Variants in POU2AF2 observed in about 807,000 individuals in gnomAD.
The protein encoded by POU2AF2 is POU domain class 2-associating factor 2.
At chr11:111,260,688 A>G in the POU2AF2 span, among the ~76,000 whole-genome samples, 5 of 152,352 alleles carry the variant, frequency 3.3e-5, no homozygotes, top group African/African-American at 1.2e-4. Flanking sequence ...TCTGGAGGGC[A>G]CACAGCCCTG....
At chr11:111,260,587 G>C in the POU2AF2 span, among the ~76,000 whole-genome samples, 1 of 152,150 alleles carries the variant, frequency 6.6e-6, no homozygotes, top group South Asian at 2.1e-4. Flanking sequence ...GACCACTTAA[G>C]CAGAGATTGG....
chr11:111,248,297 C>T, the POU2AF2 span, among the ~76,000 whole-genome samples: 1 of 152,130 alleles, frequency 6.6e-6, no homozygotes, highest in Non-Finnish European at 1.5e-5. Context: ...GTCTGATTCT[C>T]AGTAATGTGG....
chr11:111,262,286 G>A, the POU2AF2 span, among the ~76,000 whole-genome samples: 1 of 152,314 alleles, frequency 6.6e-6, no homozygotes, highest in South Asian at 2.1e-4. Context: ...CATTCGGTGT[G>A]TTTATGACAT....
chr11:111,263,552 C>T, the POU2AF2 span, among the ~76,000 whole-genome samples: 4 of 151,468 alleles, frequency 2.6e-5, no homozygotes, highest in Admixed American at 1.3e-4. Context: ...TCTGCCTCAG[C>T]CTCCTGAGTA....
chr11:111,256,452 G>A, the POU2AF2 span, among the ~76,000 whole-genome samples: 1 of 152,232 alleles, frequency 6.6e-6, no homozygotes, highest in Non-Finnish European at 1.5e-5. Context: ...ATAACTGGAT[G>A]TCATGTAAAT....
chr11:111,246,172 C>G, the POU2AF2 span, among the ~76,000 whole-genome samples: 1 of 152,132 alleles, frequency 6.6e-6, no homozygotes, highest in Non-Finnish European at 1.5e-5. Flanking sequence ...AATATCAAAG[C>G]CTTCTTTTCC....
chr11:111,251,495 G>T, the POU2AF2 span, among the ~76,000 whole-genome samples: 1 of 152,204 alleles, frequency 6.6e-6, no homozygotes, highest in African/African-American at 2.4e-5. Flanking sequence ...ATACCCATTT[G>T]AAACTCGATT....
the POU2AF2 span, among the ~76,000 whole-genome samples, chr11:111,259,681 A>G: frequency 6.6e-6 from 1 of 152,332 alleles, no homozygotes; most frequent in South Asian, 2.1e-4. Context: ...ATACAAGCAA[A>G]CAAACGGGTT....
the POU2AF2 span, among the ~76,000 whole-genome samples, chr11:111,276,448 AAAAAAATATATATATATATAT>A: frequency 1.9e-5 from 1 of 52,816 alleles, no homozygotes; most frequent in African/African-American, 6.5e-5. Context: ...AGAAAAAAAA[AAAAAAATATATATATATATAT>A]ATATATATAT....
At chr11:111,274,251 G>T in the POU2AF2 span, among the ~76,000 whole-genome samples, 3 of 152,086 alleles carry the variant, frequency 2.0e-5, no homozygotes, top group Non-Finnish European at 2.9e-5. Context: ...GAGTCTTCTA[G>T]GGTCTGTGAT....
the POU2AF2 span, among the ~76,000 whole-genome samples, chr11:111,271,560 T>C: frequency 6.6e-6 from 1 of 152,148 alleles, no homozygotes; most frequent in Non-Finnish European, 1.5e-5. Context: ...TAGCTGGGAC[T>C]TCAGGCATGT....
At chr11:111,267,283 C>G in the POU2AF2 span, among the ~76,000 whole-genome samples, 1 of 152,182 alleles carries the variant, frequency 6.6e-6, no homozygotes, top group African/African-American at 2.4e-5. Flanking sequence ...TAGAGTCCCT[C>G]TTGGTCATTC....
chr11:111,256,983 T>C, the POU2AF2 span, among the ~76,000 whole-genome samples: 2 of 152,266 alleles, frequency 1.3e-5, no homozygotes, highest in South Asian at 2.1e-4. Flanking sequence ...ATAGTTCTAC[T>C]GTATACCCCA....
At chr11:111,265,534 G>A in the POU2AF2 span, among the ~76,000 whole-genome samples, 2 of 152,138 alleles carry the variant, frequency 1.3e-5, no homozygotes, top group East Asian at 1.9e-4. Flanking sequence ...AAATGGGAAC[G>A]GTGATAGCTA....
At chr11:111,260,368 C>A in the POU2AF2 span, among the ~76,000 whole-genome samples, 18 of 152,182 alleles carry the variant, frequency 1.2e-4, no homozygotes, top group Admixed American at 5.2e-4. Context: ...GATCCCATGC[C>A]AAATCCCTGG....
the POU2AF2 span, among the ~76,000 whole-genome samples, chr11:111,274,174 G>A: frequency 1.1e-3 from 165 of 152,204 alleles, no homozygotes; most frequent in African/African-American, 2.8e-3. Context: ...AAATGGGATG[G>A]AGAAGCAAGT....
the POU2AF2 span, among the ~76,000 whole-genome samples, chr11:111,262,145 T>TC: frequency 6.6e-6 from 1 of 152,226 alleles, no homozygotes; most frequent in African/African-American, 2.4e-5. Context: ...GGCAATATTG[T>TC]CAGCTGGGTT....
the POU2AF2 span, among the ~76,000 whole-genome samples, chr11:111,257,224 G>A: frequency 6.6e-6 from 1 of 152,194 alleles, no homozygotes; most frequent in South Asian, 2.1e-4. Flanking sequence ...GCAGGTACTG[G>A]TTCTTCCAGC....
At chr11:111,247,191 CAGAGAGAG>C in the POU2AF2 span, among the ~76,000 whole-genome samples, 915 of 144,766 alleles carry the variant, frequency 6.3e-3, 1 homozygote, top group Non-Finnish European at 0.011. Context: ...TACACACACA[CAGAGAGAG>C]AGAGAGAGAG....
Sources: gnomAD v4.1 joint callset for allele counts (sites outside exome capture counted in the v4.1 genomes callset) on GRCh38, gnomAD v4.1.1 for gene constraint, MANE v1.5 for transcripts, NCBI Gene and HGNC (gene_info 2026-07-23, HGNC 2026-07-21) for gene names.